The following ACADM variants were observed in gnomAD, a reference collection of about 807,000 sequenced individuals.
ACADM encodes medium-chain specific acyl-CoA dehydrogenase, mitochondrial.
In ACADM, 49 loss-of-function variants were observed where a neutral mutation model predicts 58.9. That is an observed-to-expected ratio of 0.83 (90% CI 0.66 to 1.06). The LOEUF is 1.06. Among genes scored for constraint, ACADM ranks in the 50% least tolerant of loss-of-function variants. The pLI is 0.00. For synonymous variants in ACADM, 160 were observed against 157.7 expected, an observed-to-expected ratio of 1.01 and a Z score of -0.11; for missense variants, 496 against 507.0, an observed-to-expected ratio of 0.98 and a Z score of 0.21.
intron 8 of ACADM, among the ~76,000 whole-genome samples, chr1:75,746,998 C>A (rs74090734): frequency 0.043 from 6,478 of 152,214 alleles, 188 homozygotes; most frequent in African/African-American, 0.086. Context: ...TATTTTCAAT[C>A]AGATATTAAA....
chr1:75,748,200 A>G (rs1312903063), intron 8 of ACADM, among the ~76,000 whole-genome samples: 1 of 152,266 alleles, frequency 6.6e-6, no homozygotes, highest in Non-Finnish European at 1.5e-5. Flanking sequence ...GAAATAAAAA[A>G]TAAAGCAAAT....
In ACADM at chr1:75,724,748, C is replaced by T. The variant is rs1212794243; in HGVS notation, c.-40C>T. 6.5e-7 allele frequency: 1 copy of T among 1,542,154 alleles called. No individual in the cohort carries two copies. The highest frequency in any genetic ancestry group is 1.4e-5 in the African/African-American group (1 of 70,288). ...TTCGGGGAGTATGTCAAGGCCGTGA[C>T]CCGTGTATTATTGTCCGAGTGGCCG... On this transcript the variant is annotated 5_prime_UTR_variant, in exon 1 of 12. Transcript: ENST00000370841.
intron 6 of ACADM, among the ~76,000 whole-genome samples, chr1:75,737,284 A>T (rs1220906619): frequency 2.3e-5 from 1 of 42,622 alleles, no homozygotes; most frequent in African/African-American, 1.2e-4. Flanking sequence ...ACACAAATAT[A>T]TATATATATA....
At chr1:75,735,091 G>A (rs1647219642) in intron 6 of ACADM, among the ~76,000 whole-genome samples, 1 of 151,440 alleles carries the variant, frequency 6.6e-6, no homozygotes, top group African/African-American at 2.4e-5. Context: ...AGGCGGAGGC[G>A]GGCAGATTAC....
At chr1:75,742,257 T>C (rs113286102) in intron 7 of ACADM, among the ~76,000 whole-genome samples, 1 of 151,188 alleles carries the variant, frequency 6.6e-6, no homozygotes, top group African/African-American at 2.4e-5. Flanking sequence ...TGCAGTTGGA[T>C]ACAAAGCCAT....
intron 11 of ACADM, 92 bp downstream of exon 11, chr1:75,761,462 C>A: frequency 7.1e-7 from 1 of 1,404,798 alleles, no homozygotes; most frequent in African/African-American, 1.4e-5. Context: ...ATTTTATGTC[C>A]CTAGTAGCAA....
rs548047371 is a variant in ACADM at position 75,743,768 on chromosome 1, C to A, written c.600-2038C>A. 3.9e-6 allele frequency: 6 copies of A among 1,551,328 alleles called. No homozygotes were observed. The South Asian group carries it at 6.7e-5, about 17-fold the overall frequency. Reference sequence around the variant, plus strand: ...TGTTCAATATCTGCATAATTCATAGCTTCCACATTCCTGATGACTGGAACC... The same window carrying A: ...TGTTCAATATCTGCATAATTCATAGATTCCACATTCCTGATGACTGGAACC... On this transcript the variant is annotated intron_variant, in intron 7 of 11. Coordinates refer to ENST00000370841, the MANE Select transcript of ACADM (RefSeq NM_000016.6).
chr1:75,760,337 G>T (rs1023613208), intron 10 of ACADM, among the ~76,000 whole-genome samples: 3 of 146,612 alleles, frequency 2.0e-5, no homozygotes, highest in African/African-American at 7.5e-5. Context: ...CAGGAAAATC[G>T]CTTGAACCTG....
chr1:75,726,459 C>G (rs1398867664), intron 1 of ACADM, among the ~76,000 whole-genome samples: 1 of 151,682 alleles, frequency 6.6e-6, no homozygotes, highest in African/African-American at 2.4e-5. Flanking sequence ...ATAATAGAGT[C>G]AGGTTTTTTG....
intron 5 of ACADM, 66 bp downstream of exon 5, chr1:75,733,694 A>G: frequency 7.4e-7 from 1 of 1,348,850 alleles, no homozygotes; most frequent in South Asian, 1.2e-5. Context: ...CTCCTGAAGA[A>G]GTTGGATTTT....
chr1:75,736,425 TTG>T (rs1647267383), intron 6 of ACADM, among the ~76,000 whole-genome samples: 1 of 148,684 alleles, frequency 6.7e-6, no homozygotes, highest in African/African-American at 2.5e-5. Context: ...ATAAAGGAAT[TTG>T]TACATATTTG....
intron 6 of ACADM, among the ~76,000 whole-genome samples, chr1:75,738,248 G>A (rs1358936937): frequency 3.3e-5 from 5 of 151,004 alleles, no homozygotes; most frequent in South Asian, 2.1e-4. Context: ...TTCTGAAATG[G>A]AGTCTCGCTC....
At chr1:75,736,976 T>A (rs1301220860) in intron 6 of ACADM, among the ~76,000 whole-genome samples, 1 of 152,090 alleles carries the variant, frequency 6.6e-6, no homozygotes, top group Admixed American at 6.5e-5. Context: ...TCTTTTTACA[T>A]GCTGTAACAA....
intron 1 of ACADM, 53 bp downstream of exon 1, chr1:75,724,870 C>G: frequency 7.2e-7 from 1 of 1,388,554 alleles, no homozygotes. Flanking sequence ...ATTGTGGTGT[C>G]GGAGCAGGGG....
intron 10 of ACADM, among the ~76,000 whole-genome samples, chr1:75,751,398 T>G (rs982708819): frequency 5.9e-5 from 9 of 152,090 alleles, no homozygotes; most frequent in East Asian, 3.9e-4. Flanking sequence ...TTGGGTGGTG[T>G]TATCTCTTTT....
intron 7 of ACADM, among the ~76,000 whole-genome samples, chr1:75,743,208 C>T (rs759753247): frequency 7.2e-5 from 11 of 152,028 alleles, no homozygotes; most frequent in Admixed American, 3.3e-4. Flanking sequence ...TTAAGATATT[C>T]GAGGGTATGA....
chr1:75,751,562 G>T lies in ACADM; in HGVS notation c.945+1016G>T, dbSNP rs900357528. Among the ~76,000 whole-genome samples, 3 of 151,150 alleles carry T rather than the reference G, an allele frequency of 2.0e-5. No homozygotes were observed. The South Asian group carries it at 6.3e-4, about 32-fold the overall frequency. On this transcript the variant is annotated intron_variant, in intron 10 of 11. Transcript: ENST00000370841. Reference sequence around the variant, plus strand: ...CGTCCAAGCTGAAGTACAGTGGCATGATCTGGGCTCACTGAAACCCCCACC... The same window carrying T: ...CGTCCAAGCTGAAGTACAGTGGCATTATCTGGGCTCACTGAAACCCCCACC...
intron 1 of ACADM, 48 bp downstream of exon 1, chr1:75,724,865 G>A (rs369431746): frequency 1.4e-6 from 2 of 1,403,314 alleles, no homozygotes; most frequent in Non-Finnish European, 1.9e-6. Flanking sequence ...TGGGTATTGT[G>A]GTGTCGGAGC....
At chr1:75,750,424 T>C (rs1338456541) in intron 9 of ACADM, 27 bp from the exon 10 acceptor site, 1 of 1,560,982 alleles carries the variant, frequency 6.4e-7, no homozygotes, top group Admixed American at 1.8e-5. Flanking sequence ...ACATGAACTT[T>C]TGCTTTATAA....
Sources: gnomAD v4.1 joint callset for allele counts (sites outside exome capture counted in the v4.1 genomes callset) on GRCh38, gnomAD v4.1.1 for gene constraint, MANE v1.5 for transcripts, NCBI Gene and HGNC (gene_info 2026-07-23, HGNC 2026-07-21) for gene names.